Variants in IL1RAPL1 observed in about 807,000 individuals in gnomAD.
IL1RAPL1 encodes the protein interleukin 1 receptor accessory protein like 1, also known as interleukin-1 receptor accessory protein-like 1.
In IL1RAPL1, 3 loss-of-function variants were observed where a neutral mutation model predicts 48.4. The observed-to-expected ratio is 0.06, with a 90% CI of 0.03 to 0.16. The LOEUF is 0.16. IL1RAPL1 is among the 10% of genes least tolerant of loss of function. IL1RAPL1 has a pLI of 1.00. For synonymous variants in IL1RAPL1, 185 were observed against 187.7 expected (o/e 0.99, Z 0.12); for missense variants, 349 against 530.6 (o/e 0.66, Z 3.36).
At chrX:28,945,151 T>C (rs1050923167) in intron 2 of IL1RAPL1, among the ~76,000 whole-genome samples, 24 of 111,555 alleles carry the variant, frequency 2.2e-4, no homozygotes, top group African/African-American at 7.8e-4. Flanking sequence ...ACACTGTTGG[T>C]TGGAATGTAA....
intron 1 of IL1RAPL1, among the ~76,000 whole-genome samples, chrX:28,709,696 G>A (rs1201955018): frequency 9.0e-6 from 1 of 110,971 alleles, no homozygotes; most frequent in African/African-American, 3.3e-5. Context: ...GGCACAATAT[G>A]CGTGTATATG....
Position 29,419,467 on chromosome X carries a change from C to T in IL1RAPL1, c.703+20159C>T, listed in dbSNP as rs1934264423. Among the ~76,000 whole-genome samples the T allele has an allele frequency of 2.7e-5, 3 of 109,848 alleles. No individual in the cohort carries two copies. In the South Asian group the frequency reaches 1.2e-3, roughly 44 times the overall value. On this transcript the variant is annotated intron_variant, in intron 5 of 10. Coordinates refer to ENST00000378993, the MANE Select transcript of IL1RAPL1 (RefSeq NM_014271.4). ...TCCCAAGTAGCTGGGATTACAGGTG[C>T]CCACCACCAGGCCTGGCTGATTTTT...
chrX:29,785,173 C>T (rs11798959), intron 6 of IL1RAPL1, among the ~76,000 whole-genome samples: 6,839 of 111,568 alleles, frequency 0.061, 216 homozygotes, highest in Non-Finnish European at 0.095. Context: ...AAACTTCCAA[C>T]GAAATTATTT....
intron 2 of IL1RAPL1, among the ~76,000 whole-genome samples, chrX:29,191,210 CATTA>C (rs1484291703): frequency 1.8e-5 from 2 of 111,383 alleles, no homozygotes; most frequent in South Asian, 3.8e-4. Context: ...TTGTGATGTA[CATTA>C]ATTGAGGTAA....
chrX:29,223,910 G>A (rs1344853947), intron 2 of IL1RAPL1, among the ~76,000 whole-genome samples: 1 of 110,842 alleles, frequency 9.0e-6, no homozygotes, highest in East Asian at 2.8e-4. Flanking sequence ...GTTTTATTTT[G>A]TGCATATATA....
intron 2 of IL1RAPL1, among the ~76,000 whole-genome samples, chrX:29,275,821 C>T (rs1932110050): frequency 8.9e-6 from 1 of 111,962 alleles, no homozygotes. Context: ...CATATGCGGT[C>T]TATAACATGT....
chrX:28,866,513 C>T (rs1041431813), intron 2 of IL1RAPL1, among the ~76,000 whole-genome samples: 2 of 97,190 alleles, frequency 2.1e-5, no homozygotes, highest in Non-Finnish European at 4.1e-5. Context: ...CTTGTTCCCC[C>T]CAAAAACTAT....
At chrX:29,564,191 GACCAGA>G (rs1472054926) in intron 5 of IL1RAPL1, among the ~76,000 whole-genome samples, 2 of 111,823 alleles carry the variant, frequency 1.8e-5, no homozygotes. Flanking sequence ...TGACCCAGTT[GACCAGA>G]AAGTGTTGAT....
At chrX:29,643,533 A>G (rs1925229544) in intron 5 of IL1RAPL1, among the ~76,000 whole-genome samples, 1 of 112,364 alleles carries the variant, frequency 8.9e-6, no homozygotes, top group South Asian at 3.7e-4. Context: ...TACAATGAGG[A>G]AAAGCAAGTT....
chrX:29,242,903 A>G (rs1372039666), intron 2 of IL1RAPL1, among the ~76,000 whole-genome samples: 2 of 112,277 alleles, frequency 1.8e-5, no homozygotes, highest in African/African-American at 6.5e-5. Context: ...CTGTGTGAAT[A>G]ACAACCTCAT....
intron 2 of IL1RAPL1, among the ~76,000 whole-genome samples, chrX:29,231,672 G>A (rs933748421): frequency 9.0e-6 from 1 of 111,499 alleles, no homozygotes; most frequent in Non-Finnish European, 1.9e-5. Flanking sequence ...CCTAGTTTAC[G>A]CCTACCCCAG....
At chrX:29,582,085 T>C (rs867474052) in intron 5 of IL1RAPL1, among the ~76,000 whole-genome samples, 6 of 111,664 alleles carry the variant, frequency 5.4e-5, no homozygotes, top group African/African-American at 1.9e-4. Flanking sequence ...GGTATTCCAG[T>C]ATTTTTAGTG....
At chrX:29,859,448 G>A (rs966678594) in intron 6 of IL1RAPL1, among the ~76,000 whole-genome samples, 2 of 111,188 alleles carry the variant, frequency 1.8e-5, no homozygotes, top group African/African-American at 6.5e-5. Context: ...CACTTGTAAT[G>A]GAGATCACCA....
chrX:28,905,716 T>C (rs1300517611), intron 2 of IL1RAPL1, among the ~76,000 whole-genome samples: 1 of 111,865 alleles, frequency 8.9e-6, no homozygotes, highest in Non-Finnish European at 1.9e-5. Flanking sequence ...TAAAGAACAA[T>C]TGCAAAAACC....
chrX:29,803,415 GTA>G (rs1491401500), intron 6 of IL1RAPL1, among the ~76,000 whole-genome samples: 4 of 86,170 alleles, frequency 4.6e-5, no homozygotes, highest in South Asian at 4.9e-4. Context: ...GTGTATATGT[GTA>G]TATGTGTATA....
intron 2 of IL1RAPL1, among the ~76,000 whole-genome samples, chrX:29,147,573 A>G (rs891422854): frequency 9.0e-6 from 1 of 111,396 alleles, no homozygotes; most frequent in Admixed American, 9.6e-5. Context: ...CCAAATTCCC[A>G]TTTATACTAG....
At chrX:29,453,742 C>T (rs1934706884) in intron 5 of IL1RAPL1, among the ~76,000 whole-genome samples, 1 of 111,757 alleles carries the variant, frequency 8.9e-6, no homozygotes, top group Admixed American at 9.5e-5. Context: ...TTCTATTGTG[C>T]AATTATGGTT....
At chrX:29,587,429 A>G (rs948230364) in intron 5 of IL1RAPL1, among the ~76,000 whole-genome samples, 23 of 110,613 alleles carry the variant, frequency 2.1e-4, no homozygotes, top group East Asian at 8.6e-4. Flanking sequence ...CAAAATTTCA[A>G]TTAGATAGGA....
Position 28,873,787 on chromosome X carries a change from T to C in IL1RAPL1, c.82+84362T>C, listed in dbSNP as rs377161431. Among the ~76,000 whole-genome samples the C allele has an allele frequency of 6.9e-4, 75 of 109,311 alleles. 1 individual carries two copies. In the East Asian group the frequency reaches 0.018, roughly 27 times the overall value. 94.9% of individuals were successfully genotyped at this position (109,311 alleles called of 115,157 possible). On this transcript the variant is annotated intron_variant, in intron 2 of 10. Transcript: ENST00000378993. The stretch of plus-strand genomic sequence containing the variant: ...ACCTCGTGATCCGCCCGCCTTGGCC[T>C]CCCAAAGTGCTGGGATTACAAGCAT...
Sources: gnomAD v4.1 joint callset for allele counts (sites outside exome capture counted in the v4.1 genomes callset) on GRCh38, gnomAD v4.1.1 for gene constraint, MANE v1.5 for transcripts, NCBI Gene and HGNC (gene_info 2026-07-23, HGNC 2026-07-21) for gene names.